The following EPB41 variants were observed in gnomAD, a reference collection of about 807,000 sequenced individuals.
EPB41 encodes the protein erythrocyte membrane protein band 4.1.
In EPB41, 65 loss-of-function variants were observed where a neutral mutation model predicts 108.0. The ratio of observed to expected loss-of-function variants is 0.60; its 90% CI spans 0.49 to 0.74. The LOEUF is 0.74. EPB41 is among the 30% of genes least tolerant of loss of function. The pLI is 0.00. For synonymous variants in EPB41, 336 were observed against 358.9 expected, an observed-to-expected ratio of 0.94 and a Z score of 0.72; for missense variants, 875 against 1,037.0, an observed-to-expected ratio of 0.84 and a Z score of 2.15.
intron 1 of EPB41, among the ~76,000 whole-genome samples, chr1:28,908,281 A>G (rs775065204): frequency 6.6e-6 from 1 of 151,148 alleles, no homozygotes; most frequent in Non-Finnish European, 1.5e-5. Flanking sequence ...GGGGGCCTGT[A>G]ATCCCAGCTG....
chr1:29,114,251 A>G (rs1010263977), intron 19 of EPB41, among the ~76,000 whole-genome samples: 2 of 152,132 alleles, frequency 1.3e-5, no homozygotes, highest in African/African-American at 4.8e-5. Context: ...TAGCTTTTCT[A>G]AAGTAATCAA....
intron 1 of EPB41, among the ~76,000 whole-genome samples, chr1:28,958,819 C>CAAAAAAAAAA (rs35105287): frequency 7.6e-5 from 5 of 65,756 alleles, no homozygotes; most frequent in Non-Finnish European, 1.2e-4. Flanking sequence ...ACCCTGTCTC[C>CAAAAAAAAAA]AAAAAAAAAA....
intron 16 of EPB41, among the ~76,000 whole-genome samples, chr1:29,081,854 C>G (rs2151270694): frequency 6.8e-6 from 1 of 148,106 alleles, no homozygotes; most frequent in East Asian, 2.0e-4. Context: ...AAAAAAAAAC[C>G]TAACACTTCA....
At chr1:29,075,133 G>A (rs969925648) in intron 16 of EPB41, among the ~76,000 whole-genome samples, 9 of 144,960 alleles carry the variant, frequency 6.2e-5, no homozygotes, top group Admixed American at 4.3e-4. Context: ...CTCCAGCCTG[G>A]GCGACAGAGT....
intron 1 of EPB41, among the ~76,000 whole-genome samples, chr1:28,922,987 C>T (rs1324326468): frequency 6.6e-6 from 1 of 151,990 alleles, no homozygotes; most frequent in Non-Finnish European, 1.5e-5. Flanking sequence ...CTTGGCCTCC[C>T]AAAGTGTTGG....
At chr1:29,109,708 G>A in intron 18 of EPB41, 1 of 485,150 alleles carries the variant, frequency 2.1e-6, no homozygotes, top group East Asian at 3.9e-5. Context: ...TCTGGTCAGT[G>A]AGTCCCCTGT....
chr1:29,054,542 A>T (rs1164615641), intron 12 of EPB41: 2 of 20,448 alleles, frequency 9.8e-5, no homozygotes, highest in South Asian at 2.1e-3. Context: ...ATATTAAAAA[A>T]AAAAAAAAAA....
chr1:28,887,386 A>G lies in EPB41; in HGVS notation c.-8+176A>G, dbSNP rs1414113163. On this transcript the variant is annotated intron_variant, in intron 1 of 16. Transcript: ENST00000347529. This position sits in a 1 kb window ranked among gnomAD's most constrained non-coding sequence, Gnocchi z 4.9. ...TTCCAGAATCCGAACTTGGGGTCCA[A>G]AGGAGTCTGGGCATCTTAAAGTTCA... The G allele has an allele frequency of 1.0e-6, 1 of 985,234 alleles. No individual in the cohort carries two copies. The highest frequency in any genetic ancestry group is 1.7e-5 in the African/African-American group (1 of 57,220). 61.0% of individuals were successfully genotyped at this position (985,234 alleles called of 1,614,324 possible). A position where few individuals can be genotyped will look rare whatever the true frequency, so the allele number is the denominator to read the frequency against.
At chr1:29,027,493 G>A (rs959881381) in intron 7 of EPB41, among the ~76,000 whole-genome samples, 10 of 150,930 alleles carry the variant, frequency 6.6e-5, no homozygotes, top group African/African-American at 2.4e-4. Flanking sequence ...CACCACGCCC[G>A]GCTAATTTTG....
At chr1:28,954,185 CA>C (rs1360798447) in intron 1 of EPB41, among the ~76,000 whole-genome samples, 1 of 152,144 alleles carries the variant, frequency 6.6e-6, no homozygotes, top group Non-Finnish European at 1.5e-5. Context: ...TTATTCATTT[CA>C]AAATGTTAAA....
rs149742488 is a variant in EPB41, at chr1:28,888,243, G to A, written c.-8+1033G>A. 3.9e-3 allele frequency among the ~76,000 whole-genome samples: 601 copies of A among 152,354 alleles called. 6 individuals are homozygous for A. The highest frequency in any genetic ancestry group is 0.013 in the African/African-American group (553 of 41,580). Reference sequence around the variant, plus strand: ...AGAACCTGGCTGGGGCTGGGCTTAGGGCAACTGGGAGTCCCTGTGAGAGCT... The same window carrying A: ...AGAACCTGGCTGGGGCTGGGCTTAGAGCAACTGGGAGTCCCTGTGAGAGCT... On this transcript the variant is annotated intron_variant, in intron 1 of 16. Transcript: ENST00000347529.
chr1:29,093,939 C>T (rs1340437824), intron 16 of EPB41, among the ~76,000 whole-genome samples: 1 of 152,050 alleles, frequency 6.6e-6, no homozygotes, highest in African/African-American at 2.4e-5. Flanking sequence ...TTCCTATGTC[C>T]GGAATGCTAT....
chr1:28,995,349 G>T (rs1482340872), intron 3 of EPB41, among the ~76,000 whole-genome samples: 1 of 152,128 alleles, frequency 6.6e-6, no homozygotes, highest in East Asian at 1.9e-4. Flanking sequence ...GGATCACGAG[G>T]TCAAGAAATC....
At chr1:28,964,373 C>T (rs1055331573) in intron 1 of EPB41, among the ~76,000 whole-genome samples, 9 of 151,800 alleles carry the variant, frequency 5.9e-5, no homozygotes, top group Non-Finnish European at 1.3e-4. Flanking sequence ...GCCTGGGAGG[C>T]GGAGGTTGCA....
intron 16 of EPB41, among the ~76,000 whole-genome samples, chr1:29,073,280 A>G (rs978454431): frequency 6.6e-6 from 1 of 152,120 alleles, no homozygotes; most frequent in African/African-American, 2.4e-5. Context: ...GACCAGTATA[A>G]TATTTTGGGT....
chr1:28,953,406 T>G (rs2094820186), intron 1 of EPB41, among the ~76,000 whole-genome samples: 1 of 152,172 alleles, frequency 6.6e-6, no homozygotes, highest in Non-Finnish European at 1.5e-5. Context: ...TCTCAAGGGT[T>G]GCAGTTAATC....
At position 29,119,196 on chromosome 1, in the gene EPB41, G is replaced by A. The variant is rs1313393993; in HGVS notation, c.*2384G>A. On this transcript the variant is annotated 3_prime_UTR_variant, in exon 21 of 21. Transcript: ENST00000343067. ...CCATAGATTTGGACAAGCCCAGCAA[G>A]ATGGGTGTCCTTCCAGGCCTCTTCC... The A allele has an allele frequency of 6.5e-6, 1 of 152,672 alleles. No individual in the cohort carries two copies. Among genetic ancestry groups the A allele is most frequent in the East Asian group, 1.9e-4 (1 of 5,196 alleles). The allele number at this position is 152,672 out of a possible 1,614,324, so 9.5% of individuals were successfully genotyped here.
chr1:29,078,609 G>A lies in EPB41; in HGVS notation c.2184+13451G>A, dbSNP rs144015572. Among the ~76,000 whole-genome samples, 571 of 152,104 alleles carry A rather than the reference G, an allele frequency of 3.8e-3. 6 individuals carry two copies. The highest frequency in any genetic ancestry group is 0.013 in the African/African-American group (530 of 41,502). ...TCTCTACCAAAAAAAAATTAGCTGG[G>A]CATGATGGCATGCCTGTAGTCCCAG... On this transcript the variant is annotated intron_variant, in intron 16 of 20. Transcript: ENST00000343067.
At chr1:28,902,879 CAG>C (rs1403085789) in intron 1 of EPB41, among the ~76,000 whole-genome samples, 1 of 152,108 alleles carries the variant, frequency 6.6e-6, no homozygotes, top group African/African-American at 2.4e-5. Context: ...ACCTGTCAAA[CAG>C]AGATAAAGAC....
Sources: gnomAD v4.1 joint callset for allele counts (sites outside exome capture counted in the v4.1 genomes callset) on GRCh38, gnomAD v4.1.1 for gene constraint, Gnocchi (gnomAD v3.1) non-coding constraint, MANE v1.5 for transcripts, NCBI Gene and HGNC (gene_info 2026-07-23, HGNC 2026-07-21) for gene names.